Variants in USHBP1 observed in about 807,000 individuals in gnomAD.
USHBP1 encodes USH1 protein network component harmonin binding protein 1.
In USHBP1, 67 loss-of-function variants were observed where a neutral mutation model predicts 76.2. That is an observed-to-expected ratio of 0.88 (90% CI 0.72 to 1.08). The LOEUF is 1.08. Among genes scored for constraint, USHBP1 ranks in the 50% least tolerant of loss-of-function variants. The pLI, the probability that USHBP1 is intolerant of heterozygous loss-of-function variation, is 0.00. For missense variants in USHBP1, 931 were observed against 915.0 expected, an observed-to-expected ratio of 1.02 and a Z score of -0.23; for synonymous variants, 322 against 362.2, an observed-to-expected ratio of 0.89 and a Z score of 1.26.
chr19:17,259,087 C>T (rs944957784), intron 7 of USHBP1, among the ~76,000 whole-genome samples: 1 of 152,126 alleles, frequency 6.6e-6, no homozygotes, highest in African/African-American at 2.4e-5. Flanking sequence ...ATCATTTGAA[C>T]CCAGGAGGCA....
Position 17,264,361 on chromosome 19 carries a change from C to G in USHBP1, c.-48-14G>C, listed in dbSNP as rs1599482110. 2 of 1,520,392 alleles carry G rather than the reference C, an allele frequency of 1.3e-6. No homozygotes were observed. Among genetic ancestry groups the G allele is most frequent in the East Asian group, 4.8e-5 (2 of 41,482 alleles). The allele number at this position is 1,520,392 out of a possible 1,614,324, so 94.2% of individuals were successfully genotyped here. A position where few individuals can be genotyped will look rare whatever the true frequency, so the allele number is the denominator to read the frequency against. ...CTTCGTCAACCCCTAAAACCACAGC[C>G]TGCCATGAGCTCTTGCCTTTGTTGT... is the stretch of plus-strand genomic sequence containing the variant. On this transcript the variant is annotated splice_polypyrimidine_tract_variant and intron_variant, in intron 1 of 12. Transcript: ENST00000252597.
At chr19:17,260,585 C>T (rs2073675007) in intron 4 of USHBP1, among the ~76,000 whole-genome samples, 1 of 152,188 alleles carries the variant, frequency 6.6e-6, no homozygotes, top group Non-Finnish European at 1.5e-5. Flanking sequence ...CTGACTCAGC[C>T]TCCCAAAGTG....
At chr19:17,257,743 C>T (rs1303718414) in intron 8 of USHBP1, among the ~76,000 whole-genome samples, 1 of 151,558 alleles carries the variant, frequency 6.6e-6, no homozygotes, top group Non-Finnish European at 1.5e-5. Flanking sequence ...ACCTCCCAGA[C>T]TCAAGGCATC....
rs778453531 is a variant in USHBP1, at chr19:17,259,899, G to A, written c.766C>T (p.Gln256Ter). ...SEADREPWET[Q>*]DSFSLAHPLL... The stretch of plus-strand genomic sequence containing the variant: ...GGGATTGAACTTCTCGCACTCACCT[G>A]AGTCTCCCAGGGTTCCCTGTCTGCC... Residue 256 changes from glutamine to a stop codon, truncating the protein, a stop_gained and splice_region_variant, in exon 5 of 13, where the codon CAG (glutamine) becomes TAG (stop). Coordinates refer to ENST00000252597, the MANE Select transcript of USHBP1 (RefSeq NM_031941.4). LOFTEE classifies it high-confidence loss of function. 1.9e-6 allele frequency: 3 copies of A among 1,613,450 alleles called. No homozygotes were observed. The highest frequency in any genetic ancestry group is 1.7e-4 in the Middle Eastern group (1 of 6,054).
At position 17,250,280 on chromosome 19, in the gene USHBP1, A is replaced by T. The variant is rs537440882; in HGVS notation, c.2057T>A (p.Leu686Gln). 1.9e-6 allele frequency: 3 copies of T among 1,613,462 alleles called. No individual in the cohort carries two copies. The highest frequency in any genetic ancestry group is 1.3e-5 in the African/African-American group (1 of 74,922). Residue 686 changes from leucine (L) to glutamine (Q), a missense_variant, in exon 13 of 13, where the codon CTG (leucine) becomes CAG (glutamine). Coordinates refer to ENST00000252597, the MANE Select transcript of USHBP1 (RefSeq NM_031941.4). ...VAVLEATARALGKPRPPLPPP... is the reference protein window; with the variant it reads ...VAVLEATARAQGKPRPPLPPP... ...CGGGAGGGGAGGCCTGGGCTTCCCC[A>T]GGGCCCTTGCAGTGGCTTCGAGCAC...
At chr19:17,259,182 T>C in intron 7 of USHBP1, 107 bp downstream of exon 7, 1 of 1,453,932 alleles carries the variant, frequency 6.9e-7, no homozygotes, top group Non-Finnish European at 9.1e-7. Flanking sequence ...AAAATTAATT[T>C]CTGAAGTGGG....
At chr19:17,262,296 C>T (rs558064495) in intron 4 of USHBP1, among the ~76,000 whole-genome samples, 73 of 152,214 alleles carry the variant, frequency 4.8e-4, no homozygotes, top group African/African-American at 1.6e-3. Context: ...AGCCACTGTG[C>T]CTGGCCAACC....
chr19:17,261,380 G>T (rs2073686646), intron 4 of USHBP1, among the ~76,000 whole-genome samples: 1 of 138,946 alleles, frequency 7.2e-6, no homozygotes, highest in Non-Finnish European at 1.5e-5. Context: ...CTGTCGCCCA[G>T]GCTGGAGTGC....
rs748859261 is a variant in USHBP1, at chr19:17,264,117, C to T, written c.88G>A (p.Glu30Lys). The change falls in exon 3 of 13, where the codon GAG becomes AAG. Residue 30 changes from glutamate to lysine, a missense_variant. Coordinates refer to ENST00000252597, the MANE Select transcript of USHBP1 (RefSeq NM_031941.4). ...GAGCTCCCACTGGCTGCCTCGACCT[C>T]CTCTGAACTCTCAGCCACGGGATCC... ...ELDPVAESSE[E>K]VEAASGSSKP... 1.4e-5 allele frequency: 22 copies of T among 1,614,000 alleles called. No homozygotes were observed. Among genetic ancestry groups the T allele is most frequent in the Non-Finnish European group, 3.4e-6 (4 of 1,179,996 alleles).
intron 4 of USHBP1, among the ~76,000 whole-genome samples, chr19:17,260,933 C>T (rs1225022308): frequency 6.6e-6 from 1 of 152,182 alleles, no homozygotes; most frequent in East Asian, 1.9e-4. Flanking sequence ...CCACATCACC[C>T]AGAATCCGTC....
At chr19:17,252,508 C>T (rs2073565494) in intron 10 of USHBP1, among the ~76,000 whole-genome samples, 1 of 152,004 alleles carries the variant, frequency 6.6e-6, no homozygotes. Flanking sequence ...GGGTGGATCA[C>T]TTGAGGTCAG....
At chr19:17,253,116 C>T (rs2073572885) in intron 10 of USHBP1, among the ~76,000 whole-genome samples, 1 of 151,274 alleles carries the variant, frequency 6.6e-6, no homozygotes, top group East Asian at 2.0e-4. Flanking sequence ...CTACAGGCGC[C>T]CGCCACCATC....
In USHBP1 at chr19:17,262,685, T is replaced by C. The variant is rs1273582565; in HGVS notation, c.509A>G (p.Gln170Arg). 2 of 1,614,140 alleles carry C rather than the reference T, an allele frequency of 1.2e-6. No individual in the cohort carries two copies. Among genetic ancestry groups the C allele is most frequent in the Admixed American group, 3.3e-5 (2 of 60,022 alleles). Residue 170 changes from glutamine (Q) to arginine (R), a missense_variant, in exon 4 of 13, where the codon CAG becomes CGG. Gln to Arg is a conservative substitution (Grantham distance 43). Coordinates refer to ENST00000252597, the MANE Select transcript of USHBP1 (RefSeq NM_031941.4). ...LGKQEGAGSC[Q>R]REAARLAERN... ...CTCGGCCAGGCGAGCTGCCTCTCGC[T>C]GGCAGCTCCCTGCCCCTTCCTGCTT...
intron 4 of USHBP1, among the ~76,000 whole-genome samples, chr19:17,260,463 G>T (rs879288203): frequency 3.9e-4 from 59 of 152,266 alleles, no homozygotes; most frequent in African/African-American, 1.4e-3. Context: ...CCGAGTAGCT[G>T]GGATTACAGG....
Position 17,262,832 on chromosome 19 carries a change from G to T in USHBP1, c.362C>A (p.Thr121Asn). The T allele has an allele frequency of 6.2e-7, 1 of 1,613,992 alleles. No individual in the cohort carries two copies. Among genetic ancestry groups the T allele is most frequent in the East Asian group, 2.2e-5 (1 of 44,882 alleles). ...CAGGGAGCTCAGAGTGTGCTGGAGG[G>T]TCTGAAACACATCGGGGGCCCCATT... is the stretch of plus-strand genomic sequence containing the variant. ...PGNGAPDVFQ[T>N]LQHTLSSLEA... is the part of the protein sequence containing the mutation. Residue 121 changes from threonine to asparagine, a missense_variant, in exon 4 of 13, where the codon ACC becomes AAC. By Grantham distance (65) the Thr-to-Asn change is moderately conservative. Transcript: ENST00000252597.
rs769089373 is a variant in USHBP1 at position 17,251,751 on chromosome 19, G to A, written c.1800-47C>T. Reference sequence around the variant, plus strand: ...GGGGCTCACAGCCCCAGCCGATCCTGTTTCCCAGGTCTCCTCCTACCCACC... The same window carrying A: ...GGGGCTCACAGCCCCAGCCGATCCTATTTCCCAGGTCTCCTCCTACCCACC... On this transcript the variant is annotated intron_variant, in intron 11 of 12. Coordinates refer to ENST00000252597, the MANE Select transcript of USHBP1 (RefSeq NM_031941.4). The A allele has an allele frequency of 1.9e-6, 3 of 1,607,236 alleles. No individual in the cohort carries two copies. The South Asian group carries it at 3.3e-5, about 18-fold the overall frequency.
At chr19:17,258,075 A>G in intron 8 of USHBP1, 137 bp downstream of exon 8, 1 of 1,217,840 alleles carries the variant, frequency 8.2e-7, no homozygotes, top group Non-Finnish European at 1.2e-6. Context: ...ATGTCAACCA[A>G]CTACAGTGAG....
intron 12 of USHBP1, among the ~76,000 whole-genome samples, chr19:17,251,306 G>A (rs140733386): frequency 0.015 from 2,235 of 151,324 alleles, 36 homozygotes; most frequent in South Asian, 0.04. Flanking sequence ...TGGAATTACA[G>A]GCACGTGCAA....
intron 10 of USHBP1, among the ~76,000 whole-genome samples, chr19:17,253,324 C>CTCT (rs1555713016): frequency 5.6e-5 from 8 of 141,864 alleles, no homozygotes; most frequent in African/African-American, 1.0e-4. Context: ...GACGGAGTCT[C>CTCT]GTCGCCCAGG....
Sources: gnomAD v4.1 joint callset for allele counts (sites outside exome capture counted in the v4.1 genomes callset) on GRCh38, gnomAD v4.1.1 for gene constraint, MANE v1.5 for transcripts, NCBI Gene and HGNC (gene_info 2026-07-23, HGNC 2026-07-21) for gene names.